The following VLDLR variants were observed in gnomAD, a reference collection of about 807,000 sequenced individuals.
VLDLR encodes very low-density lipoprotein receptor.
A neutral mutation model predicts 112.7 loss-of-function variants in VLDLR; 81 were observed. That is an observed-to-expected ratio of 0.72 (90% confidence interval 0.60 to 0.86). VLDLR has a LOEUF of 0.86. Ranked by LOEUF, VLDLR falls within the 40% of genes least tolerant of loss-of-function variation. The pLI, the probability that VLDLR is intolerant of heterozygous loss-of-function variation, is 0.00. For missense variants in VLDLR, 1,237 were observed against 1,099.4 expected (o/e 1.13, Z -1.77); for synonymous variants, 436 against 384.8 (o/e 1.13, Z -1.56).
At position 2,656,162 on chromosome 9, in the gene VLDLR, T is replaced by C. The variant is rs1197035588; in HGVS notation, c.*2294T>C. On this transcript the variant is annotated 3_prime_UTR_variant, in exon 19 of 19. Coordinates refer to ENST00000382100, the MANE Select transcript of VLDLR (RefSeq NM_003383.5). ...ATGTTCTGGGTAAAATTTCCAACCC[T>C]CAAAGAGTCTAAAACGTCTCATTTT... 1 of 151,184 alleles carries C rather than the reference T, an allele frequency of 6.6e-6. No homozygotes were observed. The highest frequency in any genetic ancestry group is 1.5e-5 in the Non-Finnish European group (1 of 68,006). The allele number at this position is 151,184 out of a possible 1,614,324, so 9.4% of individuals were successfully genotyped here.
At chr9:2,634,128 C>T (rs1817492802) in intron 1 of VLDLR, among the ~76,000 whole-genome samples, 1 of 152,100 alleles carries the variant, frequency 6.6e-6, no homozygotes, top group Non-Finnish European at 1.5e-5. Context: ...AAGGAAGTAA[C>T]CACACCCATA....
intron 2 of VLDLR, among the ~76,000 whole-genome samples, chr9:2,637,919 G>A (rs988604821): frequency 2.6e-5 from 4 of 151,924 alleles, no homozygotes; most frequent in Non-Finnish European, 5.9e-5. Flanking sequence ...CTCCAGCCTG[G>A]GTGACAGAGC....
At chr9:2,645,433 G>T (rs143644611) in intron 9 of VLDLR, 141 bp from the exon 10 acceptor site, 14 of 1,076,170 alleles carry the variant, frequency 1.3e-5, no homozygotes, top group Middle Eastern at 5.9e-4. Context: ...AGGTCCCAGG[G>T]GCAGGAACTC....
At position 2,644,004 on chromosome 9, in the gene VLDLR, C is replaced by T. The variant is rs376436318; in HGVS notation, c.1066+45C>T. ...AAGTACAGATCCTGGAAGTTTGACA[C>T]AATCCAGTATAGCTAACACTGTGTG... On this transcript the variant is annotated intron_variant, in intron 7 of 18. Coordinates refer to ENST00000382100, the MANE Select transcript of VLDLR (RefSeq NM_003383.5). The T allele has an allele frequency of 6.8e-6, 11 of 1,613,616 alleles. No individual in the cohort carries two copies. The African/African-American group carries it at 1.5e-4, about 22-fold the overall frequency.
chr9:2,625,043 A>G (rs1007908433), intron 1 of VLDLR, among the ~76,000 whole-genome samples: 1 of 152,244 alleles, frequency 6.6e-6, no homozygotes, highest in Admixed American at 6.5e-5. Context: ...CTTTAGTACA[A>G]TAGACTGCTA....
chr9:2,622,745 G>A (rs1403201360), intron 1 of VLDLR, among the ~76,000 whole-genome samples: 3 of 152,110 alleles, frequency 2.0e-5, no homozygotes, highest in Non-Finnish European at 4.4e-5. Context: ...CTCCGGGGAC[G>A]CGGAGCGCCA....
intron 1 of VLDLR, among the ~76,000 whole-genome samples, chr9:2,625,378 C>T (rs930801468): frequency 6.6e-6 from 1 of 152,204 alleles, no homozygotes; most frequent in Non-Finnish European, 1.5e-5. Flanking sequence ...ACAGCTAATT[C>T]ATTTTAAATA....
At chr9:2,647,052 C>G (rs970432931) in intron 11 of VLDLR, among the ~76,000 whole-genome samples, 7 of 152,138 alleles carry the variant, frequency 4.6e-5, no homozygotes, top group African/African-American at 1.7e-4. Flanking sequence ...TAAATTGCCA[C>G]TAAGTAACAT....
At chr9:2,653,360 T>G (rs1818439620) in intron 18 of VLDLR, among the ~76,000 whole-genome samples, 1 of 152,072 alleles carries the variant, frequency 6.6e-6, no homozygotes, top group South Asian at 2.1e-4. Context: ...TATTATATGC[T>G]TTGCTTTAAA....
chr9:2,635,042 A>T (rs1817540183), intron 1 of VLDLR, among the ~76,000 whole-genome samples: 1 of 151,970 alleles, frequency 6.6e-6, no homozygotes. Flanking sequence ...GATTCCTTCT[A>T]TTTTCGTCTG....
At chr9:2,647,946 G>A (rs757671382) in intron 12 of VLDLR, among the ~76,000 whole-genome samples, 1 of 152,142 alleles carries the variant, frequency 6.6e-6, no homozygotes, top group Non-Finnish European at 1.5e-5. Flanking sequence ...ACAACAAAAT[G>A]GTAGCCTCTT....
At chr9:2,650,553 A>G in intron 15 of VLDLR, 37 bp downstream of exon 15, 1 of 1,610,470 alleles carries the variant, frequency 6.2e-7, no homozygotes, top group Non-Finnish European at 8.5e-7. Context: ...AGTAGAACCT[A>G]CAACAAGCAA....
At chr9:2,652,314 A>C (rs899144436) in intron 17 of VLDLR, among the ~76,000 whole-genome samples, 3 of 152,242 alleles carry the variant, frequency 2.0e-5, no homozygotes, top group African/African-American at 7.2e-5. Flanking sequence ...ACAAATGCTT[A>C]AATGCTAAGA....
chr9:2,651,532 A>C, intron 16 of VLDLR, 34 bp downstream of exon 16: 77 of 1,529,362 alleles, frequency 5.0e-5, no homozygotes, highest in Non-Finnish European at 6.6e-5. Flanking sequence ...TGTTAATCTC[A>C]ACTAACAGCC....
intron 10 of VLDLR, 127 bp from the exon 11 acceptor site, chr9:2,646,207 G>T: frequency 1.2e-6 from 1 of 823,268 alleles, no homozygotes; most frequent in Non-Finnish European, 2.0e-6. Flanking sequence ...AATTTGAGTG[G>T]TGAGCTGTGG....
chr9:2,633,199 G>A (rs1220165326), intron 1 of VLDLR, among the ~76,000 whole-genome samples: 2 of 151,944 alleles, frequency 1.3e-5, no homozygotes, highest in African/African-American at 2.4e-5. Flanking sequence ...TTTTGGCTTC[G>A]GATATTTTCT....
At chr9:2,652,337 G>A (rs1468075546) in intron 17 of VLDLR, among the ~76,000 whole-genome samples, 1 of 152,222 alleles carries the variant, frequency 6.6e-6, no homozygotes, top group East Asian at 1.9e-4. Context: ...TACAGGACTT[G>A]TTGAGGATAA....
chr9:2,630,674 C>T (rs1250611444), intron 1 of VLDLR, among the ~76,000 whole-genome samples: 2 of 152,184 alleles, frequency 1.3e-5, no homozygotes, highest in Non-Finnish European at 2.9e-5. Flanking sequence ...TGTATTAGTC[C>T]TCCATGTCAA....
chr9:2,630,027 CAG>C (rs1468157129), intron 1 of VLDLR, among the ~76,000 whole-genome samples: 6 of 152,200 alleles, frequency 3.9e-5, no homozygotes, highest in Non-Finnish European at 8.8e-5. Flanking sequence ...CCCCTGACCT[CAG>C]GTGATCTGCC....
Sources: allele counts gnomAD v4.1 joint callset (sites outside exome capture counted in the v4.1 genomes callset), GRCh38; gene constraint gnomAD v4.1.1; transcripts MANE v1.5; gene names NCBI Gene and HGNC (gene_info 2026-07-23, HGNC 2026-07-21).